SORCS3: variants seen among roughly 807,000 people sequenced by gnomAD.
SORCS3 encodes sortilin related VPS10 domain containing receptor 3, also known as VPS10 domain-containing receptor SorCS3.
SORCS3 carries 57 observed loss-of-function variants against 146.3 expected under a neutral mutation model. The ratio of observed to expected loss-of-function variants is 0.39; its 90% CI spans 0.31 to 0.49. The LOEUF is 0.49. Ranked by LOEUF, SORCS3 falls within the 20% of genes least tolerant of loss-of-function variation. The pLI is 0.92. For missense variants in SORCS3, 1,341 were observed against 1,575.5 expected (o/e 0.85, Z 2.52); for synonymous variants, 653 against 618.5 (o/e 1.06, Z -0.83).
chr10:105,079,682 G>A (rs1221278137), intron 5 of SORCS3, among the ~76,000 whole-genome samples: 3 of 152,060 alleles, frequency 2.0e-5, no homozygotes, highest in African/African-American at 7.2e-5. Context: ...ATACTAAGCC[G>A]AGTACCCTAT....
intron 1 of SORCS3, among the ~76,000 whole-genome samples, chr10:104,658,864 T>C (rs970280854): frequency 1.3e-5 from 2 of 152,098 alleles, no homozygotes; most frequent in Non-Finnish European, 2.9e-5. Context: ...TTTTTTGCTT[T>C]TGTTTTTGTT....
intron 14 of SORCS3, among the ~76,000 whole-genome samples, chr10:105,195,067 A>G (rs965816146): frequency 1.3e-5 from 2 of 152,100 alleles, no homozygotes; most frequent in African/African-American, 2.4e-5. Flanking sequence ...GTATTGCCCG[A>G]TTTGAGAATT....
chr10:104,682,097 G>T (rs2015984483), intron 1 of SORCS3, among the ~76,000 whole-genome samples: 1 of 152,210 alleles, frequency 6.6e-6, no homozygotes, highest in South Asian at 2.1e-4. Context: ...GAGTATTATA[G>T]AGGTGGGGAA....
chr10:104,692,895 G>C (rs1055354899), intron 1 of SORCS3, among the ~76,000 whole-genome samples: 2 of 152,224 alleles, frequency 1.3e-5, no homozygotes, highest in African/African-American at 4.8e-5. Flanking sequence ...CTGGAAATCT[G>C]TTTAAATCTG....
chr10:104,980,414 T>C (rs2054925540), intron 4 of SORCS3, among the ~76,000 whole-genome samples: 1 of 152,186 alleles, frequency 6.6e-6, no homozygotes, highest in Non-Finnish European at 1.5e-5. Context: ...GAAGAGTTTT[T>C]CTTTATTTTG....
intron 4 of SORCS3, among the ~76,000 whole-genome samples, chr10:105,028,137 C>G (rs960036641): frequency 2.6e-5 from 4 of 152,120 alleles, no homozygotes; most frequent in Admixed American, 6.6e-5. Flanking sequence ...TGCTTACTTA[C>G]GTATATATAA....
chr10:105,240,796 C>G (rs2056817380), intron 20 of SORCS3, among the ~76,000 whole-genome samples: 1 of 152,054 alleles, frequency 6.6e-6, no homozygotes, highest in Non-Finnish European at 1.5e-5. Flanking sequence ...AAGTCAATCT[C>G]CAGCCCAGTC....
rs1452598138 is a variant in SORCS3, at chr10:105,105,482, C to T, written c.1179C>T (p.Ser393=). ...TTGCCCGCTCCATTGACATCAGTTC[C>T]CTGGTTGTCCAGGATGAATATATCT... The part of the protein sequence containing the change: ...GPFARSIDIS[S]LVVQDEYIFI... The change falls in exon 7 of 27, where the codon TCC becomes TCT. Residue 393 remains serine (S), a synonymous_variant. Transcript: ENST00000369701. The T allele has an allele frequency of 2.5e-6, 4 of 1,613,302 alleles. No homozygotes were observed. Among genetic ancestry groups the T allele is most frequent in the East Asian group, 4.5e-5 (2 of 44,856 alleles).
At chr10:105,161,973 T>C (rs943253275) in intron 11 of SORCS3, among the ~76,000 whole-genome samples, 6 of 151,804 alleles carry the variant, frequency 4.0e-5, no homozygotes, top group African/African-American at 1.2e-4. Flanking sequence ...CACCCTCCTA[T>C]TGTTCTTTCT....
chr10:105,217,879 G>T (rs1396835296), intron 19 of SORCS3: 16 of 453,992 alleles, frequency 3.5e-5, no homozygotes, highest in Non-Finnish European at 6.6e-5. Context: ...TTGGGGCTGG[G>T]ATTGGTTTCC....
intron 2 of SORCS3, among the ~76,000 whole-genome samples, chr10:104,902,626 G>A (rs1310492472): frequency 6.6e-6 from 1 of 152,228 alleles, no homozygotes; most frequent in African/African-American, 2.4e-5. Flanking sequence ...GGAAGTGGCT[G>A]TCTTCATCTT....
At chr10:104,948,959 C>T in intron 3 of SORCS3, among the ~76,000 whole-genome samples, 1 of 152,134 alleles carries the variant, frequency 6.6e-6, no homozygotes, top group East Asian at 1.9e-4. Context: ...TAGCCCAAGC[C>T]AATTCAAGCC....
chr10:104,759,619 G>C (rs986365442), intron 1 of SORCS3, among the ~76,000 whole-genome samples: 5 of 152,050 alleles, frequency 3.3e-5, no homozygotes, highest in Admixed American at 1.3e-4. Flanking sequence ...TTTTGCCCAA[G>C]TTTTATTTTT....
chr10:104,884,771 T>C (rs2018665288), intron 2 of SORCS3, among the ~76,000 whole-genome samples: 2 of 152,038 alleles, frequency 1.3e-5, no homozygotes, highest in East Asian at 1.9e-4. Context: ...TTCTCATAGA[T>C]AGCTATTTGG....
chr10:105,125,710 A>ACACACACACACACACAC (rs1564761153), intron 7 of SORCS3, among the ~76,000 whole-genome samples: 25 of 24,092 alleles, frequency 1.0e-3, no homozygotes, highest in African/African-American at 6.8e-3. Context: ...CACACACACA[A>ACACACACACACACACAC]AACAGGCAGC....
intron 1 of SORCS3, among the ~76,000 whole-genome samples, chr10:104,714,920 A>G (rs2016458751): frequency 6.6e-6 from 1 of 152,200 alleles, no homozygotes; most frequent in East Asian, 1.9e-4. Flanking sequence ...TATTAGGAAG[A>G]CCAGAGTCAA....
intron 6 of SORCS3, among the ~76,000 whole-genome samples, chr10:105,091,532 TCCTC>T (rs1245156722): frequency 2.5e-5 from 3 of 120,240 alleles, no homozygotes; most frequent in Non-Finnish European, 5.4e-5. Flanking sequence ...CTTCCTTCCT[TCCTC>T]CCTCCCTCCC....
chr10:105,124,848 A>G (rs998418429), intron 7 of SORCS3, among the ~76,000 whole-genome samples: 1 of 152,140 alleles, frequency 6.6e-6, no homozygotes, highest in Admixed American at 6.6e-5. Flanking sequence ...AATAATGTGC[A>G]GGGGTAATTC....
Position 105,167,249 on chromosome 10 carries a change from T to C in SORCS3, c.1810-9T>C. ...GCTATGATTGTTGTTGTTGTTGTTG[T>C]TGTTCCAGATCTTTGATGAAGAGTA... On this transcript the variant is annotated splice_polypyrimidine_tract_variant and intron_variant, in intron 12 of 26. Transcript: ENST00000369701. 6.2e-7 allele frequency: 1 copy of C among 1,604,966 alleles called. No homozygotes were observed. Among genetic ancestry groups the C allele is most frequent in the Non-Finnish European group, 8.5e-7 (1 of 1,172,134 alleles).
Sources: allele counts gnomAD v4.1 joint callset (sites outside exome capture counted in the v4.1 genomes callset), GRCh38; gene constraint gnomAD v4.1.1; transcripts MANE v1.5; gene names NCBI Gene and HGNC (gene_info 2026-07-23, HGNC 2026-07-21).